PDSS2: variants seen among roughly 807,000 people sequenced by gnomAD.
The protein encoded by PDSS2 is all trans-polyprenyl-diphosphate synthase PDSS2.
Under a neutral mutation model 44.5 loss-of-function variants are expected in PDSS2, and 31 were observed. That is an observed-to-expected ratio of 0.70 (90% confidence interval 0.52 to 0.94). The LOEUF (loss-of-function observed/expected upper bound fraction) is 0.94. Ranked by LOEUF, PDSS2 falls within the 40% of genes least tolerant of loss-of-function variation. PDSS2 has a pLI of 0.00. For synonymous variants in PDSS2, 157 were observed against 180.3 expected, an observed-to-expected ratio of 0.87 and a Z score of 1.03; for missense variants, 452 against 482.2, an observed-to-expected ratio of 0.94 and a Z score of 0.59.
At chr6:107,347,555 A>T (rs1778292951) in intron 1 of PDSS2, among the ~76,000 whole-genome samples, 1 of 151,996 alleles carries the variant, frequency 6.6e-6, no homozygotes, top group South Asian at 2.1e-4. Flanking sequence ...GAGCCACTGC[A>T]CCTAGCCTCC....
intron 1 of PDSS2, among the ~76,000 whole-genome samples, chr6:107,443,348 T>A (rs1378432510): frequency 6.6e-6 from 1 of 152,250 alleles, no homozygotes; most frequent in Non-Finnish European, 1.5e-5. Flanking sequence ...TAACATGACA[T>A]ACAAAACTCA....
intron 1 of PDSS2, among the ~76,000 whole-genome samples, chr6:107,429,884 C>CAAAAAAAAAAA (rs1163895804): frequency 7.4e-4 from 4 of 5,378 alleles, no homozygotes; most frequent in African/African-American, 8.5e-4. Context: ...AACTTAGTCT[C>CAAAAAAAAAAA]AAAAAAAAAA....
At chr6:107,274,317 A>G (rs2114944840) in intron 2 of PDSS2, 90 bp from the exon 3 acceptor site, 1 of 1,050,590 alleles carries the variant, frequency 9.5e-7, no homozygotes, top group South Asian at 1.3e-5. Flanking sequence ...AAAATATTCC[A>G]TAGGTTGCCC....
chr6:107,299,638 G>C (rs1323184708), intron 2 of PDSS2, among the ~76,000 whole-genome samples: 1 of 152,166 alleles, frequency 6.6e-6, no homozygotes, highest in African/African-American at 2.4e-5. Context: ...CTTACCAAGA[G>C]CTTCTATGAA....
intron 6 of PDSS2, among the ~76,000 whole-genome samples, chr6:107,194,869 G>A (rs1490648733): frequency 6.6e-6 from 1 of 151,930 alleles, no homozygotes; most frequent in East Asian, 1.9e-4. Context: ...CAAGAAAATC[G>A]CTTGAACCCA....
chr6:107,160,677 A>C (rs1397617936), intron 7 of PDSS2, among the ~76,000 whole-genome samples: 3 of 151,014 alleles, frequency 2.0e-5, no homozygotes, highest in Non-Finnish European at 4.4e-5. Flanking sequence ...GCTGATAAAT[A>C]GATATGGGCT....
intron 1 of PDSS2, among the ~76,000 whole-genome samples, chr6:107,424,998 T>C (rs1468410579): frequency 6.6e-6 from 1 of 152,174 alleles, no homozygotes; most frequent in Non-Finnish European, 1.5e-5. Flanking sequence ...TGATAGTGAA[T>C]GAATCTCACG....
chr6:107,222,377 G>A (rs12210932), intron 4 of PDSS2, among the ~76,000 whole-genome samples: 11,116 of 152,036 alleles, frequency 0.073, 414 homozygotes, highest in African/African-American at 0.08. Flanking sequence ...AAGGAGGGCC[G>A]GGCATGGTAG....
intron 6 of PDSS2, among the ~76,000 whole-genome samples, chr6:107,196,974 G>A (rs1304691839): frequency 6.6e-6 from 1 of 152,218 alleles, no homozygotes; most frequent in Non-Finnish European, 1.5e-5. Flanking sequence ...GTACACTGGA[G>A]AGGAAATGGA....
In PDSS2 at chr6:107,390,168, T is replaced by C. The variant is rs542304993; in HGVS notation, c.297-55836A>G. 2.0e-5 allele frequency among the ~76,000 whole-genome samples: 3 copies of C among 152,236 alleles called. No homozygotes were observed. The South Asian group carries it at 6.2e-4, about 32-fold the overall frequency. ...AGAGCTTAACTTACCCCCTTGAGTG[T>C]GGGCTAGATTTAGTGACTCACTTCC... On this transcript the variant is annotated intron_variant, in intron 1 of 7. Coordinates refer to ENST00000369037, the MANE Select transcript of PDSS2 (RefSeq NM_020381.4).
At chr6:107,431,212 C>A (rs1781184020) in intron 1 of PDSS2, among the ~76,000 whole-genome samples, 1 of 152,146 alleles carries the variant, frequency 6.6e-6, no homozygotes. Context: ...CTAAAACTAA[C>A]TTCTTCCCAC....
chr6:107,197,527 A>T (rs1310639516), intron 6 of PDSS2, among the ~76,000 whole-genome samples: 1 of 150,620 alleles, frequency 6.6e-6, no homozygotes, highest in Admixed American at 6.6e-5. Flanking sequence ...GAAGTAAGTT[A>T]GAGACACTCA....
rs1459753884 is a variant in PDSS2 at position 107,248,080 on chromosome 6, C to G, written c.631-2461G>C. Among the ~76,000 whole-genome samples the G allele has an allele frequency of 2.6e-5, 4 of 151,804 alleles. No individual in the cohort carries two copies. In the East Asian group the frequency reaches 7.7e-4, roughly 29 times the overall value. ...CCCTTCCTTAAAACTGCAAATATTT[C>G]TAGAGAGACCACAAGGCTAGCAGCC... On this transcript the variant is annotated intron_variant, in intron 3 of 7. Transcript: ENST00000369037.
At chr6:107,439,836 G>T (rs2114798992) in intron 1 of PDSS2, among the ~76,000 whole-genome samples, 1 of 152,270 alleles carries the variant, frequency 6.6e-6, no homozygotes, top group African/African-American at 2.4e-5. Context: ...GTTTGGGAAA[G>T]GAATATTTAG....
intron 7 of PDSS2, among the ~76,000 whole-genome samples, chr6:107,160,536 G>A (rs1220018583): frequency 1.6e-4 from 24 of 151,280 alleles, no homozygotes; most frequent in Non-Finnish European, 7.4e-5. Context: ...TTTTTTTGTA[G>A]AGACACATTC....
chr6:107,341,089 G>A (rs1047164705), intron 1 of PDSS2, among the ~76,000 whole-genome samples: 10 of 152,126 alleles, frequency 6.6e-5, no homozygotes, highest in African/African-American at 1.9e-4. Flanking sequence ...TGTTGTGTAC[G>A]GTGGAAAGGA....
In PDSS2 at chr6:107,405,122, T is replaced by G. The variant is rs1780269663; in HGVS notation, c.296+53868A>C. On this transcript the variant is annotated intron_variant, in intron 1 of 7. Transcript: ENST00000369037. ...CTTACAAGGCAGAAGAGATTGGGAT[T>G]CTAATTTTAAAATGCTTAAAGAAAA... Among the ~76,000 whole-genome samples, 5 of 151,818 alleles carry G rather than the reference T, an allele frequency of 3.3e-5. 1 individual carries two copies. In the South Asian group the frequency reaches 1.0e-3, roughly 32 times the overall value.
At chr6:107,341,019 T>C (rs1014310027) in intron 1 of PDSS2, among the ~76,000 whole-genome samples, 3 of 152,162 alleles carry the variant, frequency 2.0e-5, no homozygotes, top group Admixed American at 2.0e-4. Context: ...AGAAATGTAA[T>C]TAGAGCTAAA....
At chr6:107,406,606 T>C (rs538097363) in intron 1 of PDSS2, among the ~76,000 whole-genome samples, 19 of 152,336 alleles carry the variant, frequency 1.2e-4, no homozygotes, top group African/African-American at 4.1e-4. Flanking sequence ...CAAAATATCA[T>C]CTACTCCAAA....
Sources: gnomAD v4.1 joint callset for allele counts (sites outside exome capture counted in the v4.1 genomes callset) on GRCh38, gnomAD v4.1.1 for gene constraint, MANE v1.5 for transcripts, NCBI Gene and HGNC (gene_info 2026-07-23, HGNC 2026-07-21) for gene names.